BIRC6: variants seen among roughly 807,000 people sequenced by gnomAD.
BIRC6 encodes the protein dual E2 ubiquitin-conjugating enzyme/E3 ubiquitin-protein ligase BIRC6.
A neutral mutation model predicts 503.3 loss-of-function variants in BIRC6; 98 were observed. That is an observed-to-expected ratio of 0.19 (90% confidence interval 0.17 to 0.23). The LOEUF (loss-of-function observed/expected upper bound fraction) is 0.23, where lower values mean the gene tolerates loss of function less well. Ranked by LOEUF, BIRC6 falls within the 10% of genes least tolerant of loss-of-function variation. BIRC6 has a pLI of 1.00. For synonymous variants in BIRC6, 2,240 were observed against 2,078.7 expected (o/e 1.08, Z -2.11); for missense variants, 5,360 against 5,806.0 (o/e 0.92, Z 2.50).
At chr2:32,413,467 A>G (rs1214230859) in intron 9 of BIRC6, among the ~76,000 whole-genome samples, 3 of 152,076 alleles carry the variant, frequency 2.0e-5, no homozygotes, top group East Asian at 1.9e-4. Flanking sequence ...GGCATGAGCC[A>G]TCGCGCCCAG....
chr2:32,461,924 T>C (rs2048036243), intron 23 of BIRC6, among the ~76,000 whole-genome samples: 1 of 152,178 alleles, frequency 6.6e-6, no homozygotes, highest in South Asian at 2.1e-4. Context: ...TGATGTAGCT[T>C]CCATGCTTAA....
At chr2:32,373,220 T>C (rs2149301680) in intron 1 of BIRC6, among the ~76,000 whole-genome samples, 1 of 151,702 alleles carries the variant, frequency 6.6e-6, no homozygotes, top group South Asian at 2.1e-4. Flanking sequence ...TTTCTATTTC[T>C]GCAGGAAAAA....
intron 37 of BIRC6, among the ~76,000 whole-genome samples, chr2:32,480,621 CTTTTTTTTTTTTTTTTTTTTTTTTTT>C (rs560251664): frequency 3.3e-5 from 2 of 60,724 alleles, no homozygotes; most frequent in African/African-American, 7.2e-5. Context: ...AGGTAAATGG[CTTTTTTTTTTTTTTTTTTTTTTTTTT>C]TTTTTTTTTT....
chr2:32,390,635 A>C (rs2039106300), intron 4 of BIRC6, among the ~76,000 whole-genome samples: 1 of 152,128 alleles, frequency 6.6e-6, no homozygotes, highest in Admixed American at 6.6e-5. Context: ...ATATTTTTAC[A>C]TTTTCATTGG....
intron 61 of BIRC6, among the ~76,000 whole-genome samples, chr2:32,540,982 G>C (rs894477737): frequency 6.6e-6 from 1 of 152,048 alleles, no homozygotes; most frequent in Non-Finnish European, 1.5e-5. Context: ...TGATTTTCGT[G>C]AAGTTGAGGG....
At chr2:32,588,819 A>C (rs745840031) in intron 66 of BIRC6, among the ~76,000 whole-genome samples, 20 of 152,212 alleles carry the variant, frequency 1.3e-4, no homozygotes, top group Non-Finnish European at 2.6e-4. Context: ...GAATTTAAAT[A>C]TTATTATCTA....
At chr2:32,398,185 C>T (rs2149687333) in intron 6 of BIRC6, among the ~76,000 whole-genome samples, 1 of 152,312 alleles carries the variant, frequency 6.6e-6, no homozygotes, top group South Asian at 2.1e-4. Context: ...ACCCTAGTAA[C>T]TAGCAATTCC....
intron 66 of BIRC6, among the ~76,000 whole-genome samples, chr2:32,575,618 A>G (rs142469751): frequency 0.017 from 2,555 of 152,196 alleles, 51 homozygotes; most frequent in African/African-American, 0.059. Flanking sequence ...CCAAAAAATT[A>G]GCCAGGCATG....
chr2:32,386,521 G>A (rs539763851), intron 3 of BIRC6, among the ~76,000 whole-genome samples: 4 of 148,658 alleles, frequency 2.7e-5, no homozygotes, highest in Admixed American at 1.4e-4. Flanking sequence ...TTGGCTTACT[G>A]TAGCCTTGCC....
chr2:32,525,386 TA>T lies in BIRC6; in HGVS notation c.11756-74del, dbSNP rs1309082119. On this transcript the variant is annotated intron_variant, in intron 58 of 73. Transcript: ENST00000421745. ...CATTAGCTAGGAATGCATGCCTTATTAAAATATTTTAGGAACACTGTTTTCC... is the reference window on the plus strand; with the variant it reads ...CATTAGCTAGGAATGCATGCCTTATTAAATATTTTAGGAACACTGTTTTCC... The T allele has an allele frequency of 2.9e-5, 44 of 1,495,018 alleles. 1 individual carries two copies. The highest frequency in any genetic ancestry group is 5.6e-6 in the Non-Finnish European group (6 of 1,077,124). The allele number at this position is 1,495,018 out of a possible 1,614,324, so 92.6% of individuals were successfully genotyped here.
Position 32,499,773 on chromosome 2 carries a change from A to C in BIRC6, c.8695A>C (p.Asn2899His), listed in dbSNP as rs1473469243. 6.2e-7 allele frequency: 1 copy of C among 1,614,008 alleles called. No homozygotes were observed. Among genetic ancestry groups the C allele is most frequent in the Non-Finnish European group, 8.5e-7 (1 of 1,179,856 alleles). The change falls in exon 46 of 74, where the codon AAT (asparagine) becomes CAT (histidine). Residue 2899 changes from asparagine to histidine, a missense_variant. Transcript: ENST00000421745. The part of the protein sequence containing the change: ...ARACFGGLFA[N>H]LIRPGDAKAV... ...AGCATGCTTTGGGGGACTCTTTGCC[A>C]ATCTTATTCGTCCGGGTGATGCAAA...
intron 5 of BIRC6, among the ~76,000 whole-genome samples, chr2:32,392,747 C>T (rs1397315476): frequency 1.3e-5 from 2 of 152,078 alleles, no homozygotes; most frequent in Admixed American, 1.3e-4. Context: ...CCTCAGCCTC[C>T]CTGAGTAGCT....
chr2:32,433,661 A>T lies in BIRC6; in HGVS notation c.3266A>T (p.His1089Leu). 6.4e-7 allele frequency: 1 copy of T among 1,561,924 alleles called. No individual in the cohort carries two copies. Among genetic ancestry groups the T allele is most frequent in the Non-Finnish European group, 8.7e-7 (1 of 1,143,852 alleles). The change falls in exon 13 of 74, where the codon CAT (histidine) becomes CTT (leucine). Residue 1089 changes from histidine to leucine, a missense_variant. By Grantham distance (99) the His-to-Leu change is moderately conservative. Coordinates refer to ENST00000421745, the MANE Select transcript of BIRC6 (RefSeq NM_016252.4). ...LQTDSNSWDEHVFELVLPKAC... is the reference protein window; with the variant it reads ...LQTDSNSWDELVFELVLPKAC... ...TTTGACAGCAACAGCTGGGATGAAC[A>T]TGTATTTGAATTAGTACTACCTAAA...
At chr2:32,527,152 T>A (rs1368831775) in intron 59 of BIRC6, 2 of 152,248 alleles carry the variant, frequency 1.3e-5, no homozygotes, top group African/African-American at 2.4e-5. Context: ...CTTGTTGTTT[T>A]CAAGGAGTGA....
intron 6 of BIRC6, among the ~76,000 whole-genome samples, chr2:32,400,293 A>G (rs1030989858): frequency 1.3e-4 from 19 of 149,272 alleles, no homozygotes; most frequent in African/African-American, 4.7e-4. Context: ...TGTTCTTAAT[A>G]TATATTATTT....
chr2:32,574,164 T>C (rs894292251), intron 65 of BIRC6, among the ~76,000 whole-genome samples: 11 of 147,340 alleles, frequency 7.5e-5, no homozygotes, highest in Non-Finnish European at 1.4e-4. Flanking sequence ...CTTTTTCTTT[T>C]TTTTTTTTTT....
chr2:32,375,743 C>CTT (rs34370291), intron 1 of BIRC6, among the ~76,000 whole-genome samples: 55 of 138,386 alleles, frequency 4.0e-4, no homozygotes, highest in African/African-American at 1.2e-3. Flanking sequence ...CTTTCTCTCT[C>CTT]TTTTTTTTTT....
chr2:32,410,762 G>A (rs1327564898), intron 9 of BIRC6, among the ~76,000 whole-genome samples: 1 of 151,278 alleles, frequency 6.6e-6, no homozygotes, highest in African/African-American at 2.4e-5. Context: ...GTGCAGTGGC[G>A]CGATCTCGGC....
At chr2:32,577,012 C>T (rs2060313070) in intron 66 of BIRC6, among the ~76,000 whole-genome samples, 1 of 152,002 alleles carries the variant, frequency 6.6e-6, no homozygotes, top group African/African-American at 2.4e-5. Flanking sequence ...TTGGTCCCCT[C>T]CTATCTTGTG....
Sources: gnomAD v4.1 joint callset for allele counts (sites outside exome capture counted in the v4.1 genomes callset) on GRCh38, gnomAD v4.1.1 for gene constraint, MANE v1.5 for transcripts, NCBI Gene and HGNC (gene_info 2026-07-23, HGNC 2026-07-21) for gene names.